Variants in FHOD3 observed in about 807,000 individuals in gnomAD.
FHOD3 encodes the protein formin homology 2 domain containing 3, also known as FH1/FH2 domain-containing protein 3.
FHOD3 carries 90 observed loss-of-function variants against 173.0 expected under a neutral mutation model. The ratio of observed to expected loss-of-function variants is 0.52; its 90% CI spans 0.44 to 0.62. The LOEUF (loss-of-function observed/expected upper bound fraction) is 0.62. Ranked by LOEUF, FHOD3 falls within the 20% of genes least tolerant of loss-of-function variation. FHOD3 has a pLI of 0.00. For synonymous variants in FHOD3, 828 were observed against 823.0 expected (o/e 1.01, Z -0.10); for missense variants, 1,945 against 2,034.7 (o/e 0.96, Z 0.85).
At chr18:36,338,515 T>C (rs2670672) in intron 1 of FHOD3, among the ~76,000 whole-genome samples, 91,081 of 152,104 alleles carry the variant, frequency 0.6, 30,529 homozygotes, top group Middle Eastern at 0.8. Flanking sequence ...TGCAGAACCA[T>C]GATGTCCTGC....
chr18:36,532,745 A>G (rs555312549), intron 5 of FHOD3, among the ~76,000 whole-genome samples: 2 of 152,334 alleles, frequency 1.3e-5, no homozygotes, highest in East Asian at 3.9e-4. Flanking sequence ...GAAGCAGAGA[A>G]ATCACCCTCT....
chr18:36,640,166 A>G (rs944692467), intron 10 of FHOD3, among the ~76,000 whole-genome samples: 1 of 152,216 alleles, frequency 6.6e-6, no homozygotes, highest in African/African-American at 2.4e-5. Context: ...TAAACTTTGC[A>G]TGCTACAGGG....
chr18:36,438,622 C>T (rs112142625), intron 3 of FHOD3, among the ~76,000 whole-genome samples: 20 of 152,178 alleles, frequency 1.3e-4, no homozygotes, highest in African/African-American at 3.9e-4. Flanking sequence ...GGCAGTCACC[C>T]GACCCAGAGG....
intron 3 of FHOD3, among the ~76,000 whole-genome samples, chr18:36,465,779 G>T (rs1433363961): frequency 6.6e-6 from 1 of 152,032 alleles, no homozygotes; most frequent in East Asian, 1.9e-4. Flanking sequence ...GGGCGTGGTG[G>T]GTTCAATTTG....
chr18:36,727,137 C>A (rs8095017), intron 19 of FHOD3, among the ~76,000 whole-genome samples: 1 of 151,836 alleles, frequency 6.6e-6, no homozygotes, highest in African/African-American at 2.4e-5. Flanking sequence ...GGGGATGAGA[C>A]GCTTTGGGAA....
At position 36,652,470 on chromosome 18, in the gene FHOD3, A is replaced by T. The variant is rs547216220; in HGVS notation, c.1287-100A>T. The stretch of plus-strand genomic sequence containing the variant: ...TGACTTTGAAGTGAGTGATAATAGT[A>T]CAGAAGTGGCTTTTTGCCTGTCTCT... On this transcript the variant is annotated intron_variant, in intron 11 of 28. Transcript: ENST00000590592. 35 of 1,356,588 alleles carry T rather than the reference A, an allele frequency of 2.6e-5. No individual in the cohort carries two copies. In the South Asian group the frequency reaches 3.4e-4, roughly 13 times the overall value. The allele number at this position is 1,356,588 out of a possible 1,614,324, so 84.0% of individuals were successfully genotyped here. A position where few individuals can be genotyped will look rare whatever the true frequency, so the allele number is the denominator to read the frequency against.
At position 36,475,786 on chromosome 18, in the gene FHOD3, ACACACACACG is replaced by A. The variant is rs771875071; in HGVS notation, c.338-26143_338-26134del. 3.2e-4 allele frequency among the ~76,000 whole-genome samples: 45 copies of A among 142,296 alleles called. 1 individual carries two copies. Among genetic ancestry groups the A allele is most frequent in the African/African-American group, 1.2e-3 (43 of 36,428 alleles). 93.4% of individuals were successfully genotyped at this position (142,296 alleles called of 152,430 possible). A position where few individuals can be genotyped will look rare whatever the true frequency, so the allele number is the denominator to read the frequency against. ...CACACACACACACACACACACACAC[ACACACACACG>A]CATACATACATATATAATTGTAATT... On this transcript the variant is annotated intron_variant, in intron 3 of 28. Transcript: ENST00000590592.
In FHOD3 at chr18:36,709,502, C is replaced by T. The variant is rs1026525780; in HGVS notation, c.2533+111C>T. On this transcript the variant is annotated intron_variant, in intron 18 of 28. Coordinates refer to ENST00000590592, the MANE Select transcript of FHOD3 (RefSeq NM_001281740.3). Reference sequence around the variant, plus strand: ...TGGCCTCTGAGGTGACCTGGGTCAACCCACTCATGTGGCTGTGTCACCCAG... The same window carrying T: ...TGGCCTCTGAGGTGACCTGGGTCAATCCACTCATGTGGCTGTGTCACCCAG... The T allele has an allele frequency of 4.2e-6, 5 of 1,197,054 alleles. No homozygotes were observed. In the African/African-American group the frequency reaches 7.6e-5, roughly 18 times the overall value. 74.2% of individuals were successfully genotyped at this position (1,197,054 alleles called of 1,614,324 possible). A position where few individuals can be genotyped will look rare whatever the true frequency, so the allele number is the denominator to read the frequency against.
chr18:36,775,193 T>C (rs2043571671), intron 28 of FHOD3, among the ~76,000 whole-genome samples: 1 of 152,140 alleles, frequency 6.6e-6, no homozygotes, highest in Non-Finnish European at 1.5e-5. Context: ...TGGTAGAAAA[T>C]CTTTGGGATC....
At chr18:36,547,023 G>T (rs554612848) in intron 5 of FHOD3, among the ~76,000 whole-genome samples, 1 of 152,298 alleles carries the variant, frequency 6.6e-6, no homozygotes, top group South Asian at 2.1e-4. Context: ...CGCTGACCCC[G>T]CTGAGGGTGG....
At chr18:36,758,016 G>A (rs1005721067) in intron 25 of FHOD3, among the ~76,000 whole-genome samples, 7 of 152,188 alleles carry the variant, frequency 4.6e-5, no homozygotes, top group African/African-American at 7.2e-5. Flanking sequence ...AGGGAATGAT[G>A]ATTACTTTTA....
At chr18:36,751,182 A>G in intron 24 of FHOD3, among the ~76,000 whole-genome samples, 1 of 152,178 alleles carries the variant, frequency 6.6e-6, no homozygotes, top group East Asian at 1.9e-4. Context: ...TTCTCATTGT[A>G]GATATCTTTC....
At chr18:36,667,407 A>G (rs2037250824) in intron 14 of FHOD3, among the ~76,000 whole-genome samples, 1 of 152,216 alleles carries the variant, frequency 6.6e-6, no homozygotes, top group Non-Finnish European at 1.5e-5. Context: ...ATCTGTATGA[A>G]TTAATATAAG....
At chr18:36,648,215 G>C (rs773661081) in intron 10 of FHOD3, among the ~76,000 whole-genome samples, 1 of 152,170 alleles carries the variant, frequency 6.6e-6, no homozygotes, top group South Asian at 2.1e-4. Flanking sequence ...TGTGGTCAGG[G>C]GTGGGAAGGT....
chr18:36,456,843 T>G, intron 3 of FHOD3, among the ~76,000 whole-genome samples: 1 of 152,144 alleles, frequency 6.6e-6, no homozygotes, highest in African/African-American at 2.4e-5. Flanking sequence ...TGGGGTGACT[T>G]GCCACAGTGC....
intron 1 of FHOD3, among the ~76,000 whole-genome samples, chr18:36,323,361 A>G (rs1045280383): frequency 6.6e-6 from 1 of 152,204 alleles, no homozygotes. Context: ...AAGAGTGCAG[A>G]TCTTGAGGAG....
At chr18:36,522,146 G>A (rs1345704497) in intron 5 of FHOD3, among the ~76,000 whole-genome samples, 2 of 152,122 alleles carry the variant, frequency 1.3e-5, no homozygotes, top group South Asian at 2.1e-4. Context: ...ATTAGCCTTC[G>A]TGCATGTCAG....
intron 2 of FHOD3, among the ~76,000 whole-genome samples, chr18:36,366,938 T>G (rs527602830): frequency 4.6e-5 from 7 of 152,224 alleles, no homozygotes; most frequent in Admixed American, 2.0e-4. Context: ...CTTGGGAGCA[T>G]TGATTTCACT....
intron 3 of FHOD3, among the ~76,000 whole-genome samples, chr18:36,474,454 C>A (rs1180944505): frequency 6.6e-6 from 1 of 152,154 alleles, no homozygotes; most frequent in Non-Finnish European, 1.5e-5. Context: ...TCTGTTTGGG[C>A]CATGCTCTAA....
Sources: allele counts gnomAD v4.1 joint callset (sites outside exome capture counted in the v4.1 genomes callset), GRCh38; gene constraint gnomAD v4.1.1; transcripts MANE v1.5; gene names NCBI Gene and HGNC (gene_info 2026-07-23, HGNC 2026-07-21).